PDE9A: variants seen among roughly 807,000 people sequenced by gnomAD.
PDE9A encodes the protein high affinity cGMP-specific 3',5'-cyclic phosphodiesterase 9A.
Under a neutral mutation model 87.4 loss-of-function variants are expected in PDE9A, and 60 were observed. The observed-to-expected ratio is 0.69, with a 90% confidence interval of 0.56 to 0.85. The LOEUF (loss-of-function observed/expected upper bound fraction) is 0.85, where lower values mean the gene tolerates loss of function less well. Among genes scored for constraint, PDE9A ranks in the 40% least tolerant of loss-of-function variants. The pLI, the probability that PDE9A is intolerant of heterozygous loss-of-function variation, is 0.00. For synonymous variants in PDE9A, 272 were observed against 279.4 expected, an observed-to-expected ratio of 0.97 and a Z score of 0.27; for missense variants, 665 against 779.0, an observed-to-expected ratio of 0.85 and a Z score of 1.74.
rs1355196659 is a variant in PDE9A, at chr21:42,660,592, A to G, written c.69+6709A>G. ...CACTAAAGAACTTACCCATGTAACC[A>G]AACACCACCCCTTCCCCAAACACTA... is the stretch of plus-strand genomic sequence containing the variant. On this transcript the variant is annotated intron_variant, in intron 1 of 19. Transcript: ENST00000291539. This position sits in a 1 kb window ranked among gnomAD's most constrained non-coding sequence, Gnocchi z 4.7. Among the ~76,000 whole-genome samples, 1 of 151,706 alleles carries G rather than the reference A, an allele frequency of 6.6e-6. No individual in the cohort carries two copies. Among genetic ancestry groups the G allele is most frequent in the Non-Finnish European group, 1.5e-5 (1 of 67,940 alleles).
At position 42,694,659 on chromosome 21, in the gene PDE9A, G is replaced by C. The variant is rs1466523637; in HGVS notation, c.219-4309G>C. Among the ~76,000 whole-genome samples the C allele has an allele frequency of 3.3e-5, 5 of 152,266 alleles. 1 individual carries two copies. The South Asian group carries it at 1.0e-3, about 32-fold the overall frequency. On this transcript the variant is annotated intron_variant, in intron 3 of 19. Coordinates refer to ENST00000291539, the MANE Select transcript of PDE9A (RefSeq NM_002606.3). This position sits in a 1 kb window ranked among gnomAD's most constrained non-coding sequence, Gnocchi z 5.3. ...CTTTAGATTTTGGTGGCTGGCTCCT[G>C]TTGTGGACCGCATCTCACAGGTGGA...
At chr21:42,667,501 T>G (rs531871003) in intron 1 of PDE9A, among the ~76,000 whole-genome samples, 5 of 152,126 alleles carry the variant, frequency 3.3e-5, no homozygotes, top group Admixed American at 2.6e-4. Flanking sequence ...CCCAGTATGT[T>G]TGTTTTGTTC....
At chr21:42,743,937 T>C in intron 8 of PDE9A, 77 bp downstream of exon 8, 1 of 840,200 alleles carries the variant, frequency 1.2e-6, no homozygotes, top group East Asian at 2.7e-5. Context: ...GGCTGTGGGC[T>C]TTGTTTGCCT....
At chr21:42,769,185 G>A in intron 17 of PDE9A, 30 bp downstream of exon 17, 1 of 1,605,440 alleles carries the variant, frequency 6.2e-7, no homozygotes. Context: ...TGTCACACTT[G>A]CTTACACTCA....
At chr21:42,762,408 G>A (rs995660852) in intron 14 of PDE9A, among the ~76,000 whole-genome samples, 169 bp downstream of exon 14, 3 of 152,166 alleles carry the variant, frequency 2.0e-5, no homozygotes, top group Non-Finnish European at 2.9e-5. Flanking sequence ...CCAGAGTGGA[G>A]CCCCAAAAAG....
At chr21:42,697,355 A>T in intron 3 of PDE9A, 1 of 996,636 alleles carries the variant, frequency 1.0e-6, no homozygotes, top group Non-Finnish European at 1.6e-6. Flanking sequence ...GCCCCCAGTT[A>T]ATCACCATGA....
intron 1 of PDE9A, among the ~76,000 whole-genome samples, chr21:42,674,316 CTT>C (rs34238765): frequency 3.1e-4 from 42 of 134,554 alleles, no homozygotes; most frequent in African/African-American, 2.8e-4. Context: ...TTTAGACATT[CTT>C]TTTTTTTTTT....
intron 1 of PDE9A, among the ~76,000 whole-genome samples, chr21:42,680,752 C>A (rs933606359): frequency 6.6e-6 from 1 of 152,174 alleles, no homozygotes; most frequent in South Asian, 2.1e-4. Flanking sequence ...GTGAACCCAC[C>A]GCTTGCGGAC....
chr21:42,773,927 A>AG (rs1555961151), intron 19 of PDE9A, among the ~76,000 whole-genome samples: 1 of 149,686 alleles, frequency 6.7e-6, no homozygotes. Flanking sequence ...ACACGGTGAA[A>AG]CCCTTCTCTA....
chr21:42,771,182 G>T (rs867944991), intron 18 of PDE9A, among the ~76,000 whole-genome samples: 6 of 152,314 alleles, frequency 3.9e-5, no homozygotes, highest in African/African-American at 1.2e-4. Flanking sequence ...TTGTTCAGAG[G>T]AGGCCATGGG....
chr21:42,747,099 G>A (rs886999231), intron 8 of PDE9A, among the ~76,000 whole-genome samples: 10 of 152,208 alleles, frequency 6.6e-5, no homozygotes, highest in Admixed American at 1.3e-4. Context: ...GCCCCAGGCC[G>A]GCGTTGCCAC....
At chr21:42,761,284 C>G (rs1431761154) in intron 13 of PDE9A, among the ~76,000 whole-genome samples, 1 of 152,236 alleles carries the variant, frequency 6.6e-6, no homozygotes, top group Non-Finnish European at 1.5e-5. Flanking sequence ...TCGCCTCTCC[C>G]TGGGCAGGCT....
intron 4 of PDE9A, among the ~76,000 whole-genome samples, chr21:42,731,503 G>T (rs925883695): frequency 6.6e-6 from 1 of 152,136 alleles, no homozygotes; most frequent in African/African-American, 2.4e-5. Context: ...TCAGGAAACA[G>T]GAAGACAAGC....
intron 1 of PDE9A, among the ~76,000 whole-genome samples, chr21:42,673,028 C>A (rs929205810): frequency 5.9e-5 from 9 of 152,194 alleles, no homozygotes; most frequent in Non-Finnish European, 1.2e-4. Flanking sequence ...TTTCAAGGGT[C>A]CCCTCCTGTA....
At chr21:42,661,583 C>G (rs1444860429) in intron 1 of PDE9A, among the ~76,000 whole-genome samples, 2 of 152,110 alleles carry the variant, frequency 1.3e-5, no homozygotes, top group East Asian at 1.9e-4. Flanking sequence ...TTTTTAAGGC[C>G]GAGCGGTATT....
intron 19 of PDE9A, 70 bp downstream of exon 19, chr21:42,772,590 G>A (rs2147234807): frequency 1.8e-6 from 2 of 1,099,708 alleles, no homozygotes; most frequent in Non-Finnish European, 2.7e-6. Flanking sequence ...GAAGGAAAGA[G>A]GAAGGGGAGA....
rs373647488 is a variant in PDE9A at position 42,742,575 on chromosome 21, C to G, written c.569-1201C>G. Among the ~76,000 whole-genome samples, 13 of 149,134 alleles carry G rather than the reference C, an allele frequency of 8.7e-5. No homozygotes were observed. In the South Asian group the frequency reaches 1.5e-3, roughly 17 times the overall value. On this transcript the variant is annotated intron_variant, in intron 7 of 19. Transcript: ENST00000291539. The stretch of plus-strand genomic sequence containing the variant: ...CCGCCTCCCGGGTTCAAGCTATTCT[C>G]CTGCCTCAGCCTCCCGAGTAGCTGG...
intron 10 of PDE9A, among the ~76,000 whole-genome samples, chr21:42,754,654 C>A (rs945990694): frequency 6.6e-6 from 1 of 152,208 alleles, no homozygotes; most frequent in Admixed American, 6.5e-5. Flanking sequence ...GTCATAATCC[C>A]CACGTGTCAA....
chr21:42,739,164 G>A lies in PDE9A; in HGVS notation c.569-4612G>A, dbSNP rs564210355. Among the ~76,000 whole-genome samples, 5 of 152,336 alleles carry A rather than the reference G, an allele frequency of 3.3e-5. No homozygotes were observed. In the East Asian group the frequency reaches 7.7e-4, roughly 24 times the overall value. ...GAGCCTCTGCTTTGGTTTGTGGTGC[G>A]TGGTCTGTGCCCGCCTGTGTTCAGC... On this transcript the variant is annotated intron_variant, in intron 7 of 19. Coordinates refer to ENST00000291539, the MANE Select transcript of PDE9A (RefSeq NM_002606.3). The surrounding 1 kb of genome is among the most constrained non-coding windows in gnomAD (Gnocchi z 4.1).
Sources: allele counts gnomAD v4.1 joint callset (sites outside exome capture counted in the v4.1 genomes callset), GRCh38; gene constraint gnomAD v4.1.1; non-coding constraint Gnocchi (gnomAD v3.1); transcripts MANE v1.5; gene names NCBI Gene and HGNC (gene_info 2026-07-23, HGNC 2026-07-21).